The following ANXA4 variants were observed in gnomAD, a reference collection of about 807,000 sequenced individuals.
ANXA4 encodes 35-beta calcimedin.
In ANXA4, 39 loss-of-function variants were observed where a neutral mutation model predicts 49.8. The ratio of observed to expected loss-of-function variants is 0.78; its 90% CI spans 0.61 to 1.02. The LOEUF is 1.02. Among genes scored for constraint, ANXA4 ranks in the 50% least tolerant of loss-of-function variants. The pLI, the probability that ANXA4 is intolerant of heterozygous loss-of-function variation, is 0.00. For synonymous variants in ANXA4, 134 were observed against 152.5 expected (o/e 0.88, Z 0.89); for missense variants, 360 against 410.1 (o/e 0.88, Z 1.05).
intron 1 of ANXA4, among the ~76,000 whole-genome samples, chr2:69,757,325 C>T (rs1243129439): frequency 7.6e-6 from 1 of 130,968 alleles, no homozygotes; most frequent in Non-Finnish European, 1.6e-5. Context: ...GGCTGGAGTG[C>T]AGTCGCATGA....
At chr2:69,669,858 C>T (rs189838698) in intron 2 of ANXA4, among the ~76,000 whole-genome samples, 3 of 152,090 alleles carry the variant, frequency 2.0e-5, no homozygotes, top group African/African-American at 4.8e-5. Flanking sequence ...CTTCTCCCAC[C>T]GCTACTCAAG....
At chr2:69,684,758 G>A (rs1334383972) in intron 2 of ANXA4, among the ~76,000 whole-genome samples, 1 of 151,842 alleles carries the variant, frequency 6.6e-6, no homozygotes, top group East Asian at 1.9e-4. Flanking sequence ...TGTCAATGGG[G>A]GACATAGAGA....
chr2:69,691,283 C>G (rs1677955932), intron 2 of ANXA4, among the ~76,000 whole-genome samples: 2 of 151,928 alleles, frequency 1.3e-5, no homozygotes, highest in South Asian at 2.1e-4. Context: ...ACTTCCATGC[C>G]CAGCTAATTT....
chr2:69,747,501 C>T (rs1341903557), intron 1 of ANXA4, among the ~76,000 whole-genome samples: 2 of 152,160 alleles, frequency 1.3e-5, no homozygotes, highest in Non-Finnish European at 2.9e-5. Context: ...GGTTCTCACC[C>T]TTCTTGGAGT....
intron 1 of ANXA4, among the ~76,000 whole-genome samples, chr2:69,766,600 C>T (rs919751317): frequency 5.3e-5 from 8 of 152,122 alleles, no homozygotes; most frequent in Non-Finnish European, 1.2e-4. Flanking sequence ...TCTGAATGGC[C>T]CATGATGTGA....
chr2:69,711,749 T>G (rs1678684574), intron 2 of ANXA4, among the ~76,000 whole-genome samples: 1 of 152,136 alleles, frequency 6.6e-6, no homozygotes, highest in Non-Finnish European at 1.5e-5. Context: ...GCAGCTGACC[T>G]AAAATAGAAC....
rs190090861 is a variant in ANXA4, at chr2:69,662,209, C to T, written n.766+8927C>T. On this transcript the variant is annotated intron_variant and non_coding_transcript_variant, in intron 2 of 3. Coordinates refer to the ANXA4 transcript ENST00000418066. ...GGTTGGTCTCAACTGGCACTGTAAA[C>T]TAGAGCATCTACACATGCCCCTTCA... is the stretch of plus-strand genomic sequence containing the variant. Among the ~76,000 whole-genome samples the T allele has an allele frequency of 7.9e-5, 12 of 152,242 alleles. 1 individual carries two copies. In the East Asian group the frequency reaches 2.3e-3, roughly 29 times the overall value.
chr2:69,793,056 A>G (rs1045857002), intron 3 of ANXA4, among the ~76,000 whole-genome samples: 3 of 151,352 alleles, frequency 2.0e-5, no homozygotes, highest in Non-Finnish European at 4.4e-5. Flanking sequence ...GATCGAGACC[A>G]TCCTGGCCAA....
chr2:69,682,077 C>A (rs1351341661), intron 2 of ANXA4, among the ~76,000 whole-genome samples: 1 of 152,030 alleles, frequency 6.6e-6, no homozygotes, highest in African/African-American at 2.4e-5. Flanking sequence ...GTCTCAAACT[C>A]CTGGGCTCAA....
intron 2 of ANXA4, among the ~76,000 whole-genome samples, chr2:69,710,206 T>G (rs59717587): frequency 0.058 from 8,764 of 152,060 alleles, 861 homozygotes; most frequent in African/African-American, 0.2. Context: ...AGGCTGGTCT[T>G]GAACTCCTGA....
intron 3 of ANXA4, among the ~76,000 whole-genome samples, chr2:69,727,621 T>G (rs928362402): frequency 6.6e-6 from 1 of 152,204 alleles, no homozygotes; most frequent in Admixed American, 6.5e-5. Flanking sequence ...TTACAAAAAT[T>G]TAATTTTTTC....
intron 2 of ANXA4, among the ~76,000 whole-genome samples, chr2:69,688,099 C>T (rs552927523): frequency 4.6e-5 from 7 of 152,286 alleles, no homozygotes; most frequent in Non-Finnish European, 8.8e-5. Context: ...CACACATCGC[C>T]ATGGTTAGAT....
At chr2:69,759,004 C>T (rs6752048) in intron 1 of ANXA4, among the ~76,000 whole-genome samples, 77,480 of 151,572 alleles carry the variant, frequency 0.51, 20,247 homozygotes, top group East Asian at 0.79. Flanking sequence ...GGTATGGTGA[C>T]GCATGCCTGT....
intron 2 of ANXA4, among the ~76,000 whole-genome samples, chr2:69,661,118 A>T (rs1022998264): frequency 2.0e-5 from 3 of 152,046 alleles, no homozygotes; most frequent in African/African-American, 7.2e-5. Flanking sequence ...GAAACAAAGG[A>T]TTAATATCTT....
chr2:69,736,459 C>T (rs1431798919), intron 3 of ANXA4, among the ~76,000 whole-genome samples: 1 of 152,146 alleles, frequency 6.6e-6, no homozygotes, highest in East Asian at 1.9e-4. Context: ...CTGACTGGCA[C>T]ATAGTAAGTG....
At chr2:69,778,924 C>T (rs1179564772) in intron 1 of ANXA4, among the ~76,000 whole-genome samples, 1 of 151,318 alleles carries the variant, frequency 6.6e-6, no homozygotes, top group Non-Finnish European at 1.5e-5. Flanking sequence ...ATGGTGAAAT[C>T]CTGTCTGTAC....
intron 3 of ANXA4, among the ~76,000 whole-genome samples, chr2:69,789,558 G>A (rs1433134700): frequency 6.6e-6 from 1 of 152,150 alleles, no homozygotes; most frequent in African/African-American, 2.4e-5. Context: ...GTTTGGAGCA[G>A]GAGTTTAATA....
rs1041208006 is a variant in ANXA4 at position 69,748,486 on chromosome 2, A to G, written c.-47+6311A>G. Among the ~76,000 whole-genome samples, 5 of 150,550 alleles carry G rather than the reference A, an allele frequency of 3.3e-5. No individual in the cohort carries two copies. The East Asian group carries it at 5.8e-4, about 17-fold the overall frequency. ...TTATTTTTCATTAATTTTACATTATATTAATATATTAATTATAAAATTATA... is the reference window on the plus strand; with the variant it reads ...TTATTTTTCATTAATTTTACATTATGTTAATATATTAATTATAAAATTATA... On this transcript the variant is annotated intron_variant, in intron 1 of 12. Transcript: ENST00000394295.
intron 1 of ANXA4, among the ~76,000 whole-genome samples, chr2:69,744,315 A>T (rs1047766631): frequency 6.6e-6 from 1 of 152,198 alleles, no homozygotes; most frequent in Non-Finnish European, 1.5e-5. Context: ...TGAAAAACAA[A>T]CAAACAAACA....
Sources: allele counts gnomAD v4.1 joint callset (sites outside exome capture counted in the v4.1 genomes callset), GRCh38; gene constraint gnomAD v4.1.1; transcripts MANE v1.5; gene names NCBI Gene and HGNC (gene_info 2026-07-23, HGNC 2026-07-21).